The following DGCR8 variants were observed in gnomAD, a reference collection of about 807,000 sequenced individuals.
The protein encoded by DGCR8 is DGCR8 microprocessor complex subunit.
In DGCR8, 14 loss-of-function variants were observed where a neutral mutation model predicts 78.5. That is an observed-to-expected ratio of 0.18 (90% CI 0.12 to 0.28). DGCR8 has a LOEUF of 0.28. DGCR8 is among the 10% of genes least tolerant of loss of function. DGCR8 has a pLI of 1.00. For synonymous variants in DGCR8, 399 were observed against 402.4 expected (o/e 0.99, Z 0.10); for missense variants, 702 against 1,022.5 (o/e 0.69, Z 4.28).
At chr22:20,101,924 C>G in intron 9 of DGCR8, 2 of 985,282 alleles carry the variant, frequency 2.0e-6, no homozygotes, top group Non-Finnish European at 2.4e-6. Flanking sequence ...GGTGTGGTGG[C>G]CACGCGTGTA....
rs377057741 is a variant in DGCR8, at chr22:20,090,076, A to T, written c.1124A>T (p.Asp375Val). 3 of 1,614,098 alleles carry T rather than the reference A, an allele frequency of 1.9e-6. No individual in the cohort carries two copies. Among genetic ancestry groups the T allele is most frequent in the Non-Finnish European group, 2.5e-6 (3 of 1,180,050 alleles). Reference protein sequence around the residue: ...EQSSDLTPSGDVSPVKPLSRS... With the variant: ...EQSSDLTPSGVVSPVKPLSRS... The stretch of plus-strand genomic sequence containing the variant: ...AGCAGTGACCTCACCCCTAGTGGGG[A>T]TGTGTCCCCCGTCAAGCCCCTGAGC... Residue 375 changes from aspartate (D) to valine (V), a missense_variant, in exon 5 of 14, where the codon GAT becomes GTT. Coordinates refer to ENST00000351989, the MANE Select transcript of DGCR8 (RefSeq NM_022720.7).
chr22:20,095,306 A>G lies in DGCR8; in HGVS notation c.1788+511A>G, dbSNP rs1436138706. Among the ~76,000 whole-genome samples the G allele has an allele frequency of 3.9e-5, 6 of 152,212 alleles. No individual in the cohort carries two copies. The East Asian group carries it at 7.7e-4, about 20-fold the overall frequency. On this transcript the variant is annotated intron_variant, in intron 9 of 13. Transcript: ENST00000351989. ...TTTTTAGTAGAGATGGGGTTTCACC[A>G]TGTTGGCCAGGCTGGTCTCGAACTC...
In DGCR8 at chr22:20,093,767, G is replaced by A. The variant is rs570104127; in HGVS notation, c.1705+860G>A. Among the ~76,000 whole-genome samples, 12 of 152,324 alleles carry A rather than the reference G, an allele frequency of 7.9e-5. No homozygotes were observed. The South Asian group carries it at 1.2e-3, about 16-fold the overall frequency. On this transcript the variant is annotated intron_variant, in intron 8 of 13. Coordinates refer to ENST00000351989, the MANE Select transcript of DGCR8 (RefSeq NM_022720.7). ...TGCCCTTTTGGACCATGCCCTTGCC[G>A]TTTGCATTCATGCCCTGCATTCGTG... is the stretch of plus-strand genomic sequence containing the variant.
At position 20,091,554 on chromosome 22, in the gene DGCR8, G is replaced by A; in HGVS notation, c.1426G>A (p.Ala476Thr). 1 of 1,614,240 alleles carries A rather than the reference G, an allele frequency of 6.2e-7. No homozygotes were observed. Among genetic ancestry groups the A allele is most frequent in the Non-Finnish European group, 8.5e-7 (1 of 1,180,048 alleles). Residue 476 changes from alanine to threonine, a missense_variant, in exon 6 of 14, where the codon GCG (alanine) becomes ACG (threonine). Coordinates refer to ENST00000351989, the MANE Select transcript of DGCR8 (RefSeq NM_022720.7). ...QFNREMKRKQ[A>T]ESERPILPAN... ...CAATCGGGAAATGAAGCGGAAGCAG[G>A]CGGAGTCCGAGAGGCCCATCTTGCC...
Position 20,086,773 on chromosome 22 carries a change from A to G in DGCR8, c.720+90A>G, listed in dbSNP as rs991896592. On this transcript the variant is annotated intron_variant, in intron 2 of 13. Coordinates refer to ENST00000351989, the MANE Select transcript of DGCR8 (RefSeq NM_022720.7). This position sits in a 1 kb window ranked among gnomAD's most constrained non-coding sequence, Gnocchi z 6.4. ...AGCATCTTTTGAAAGCAGGGAAATT[A>G]AAAAAAAAAAAAACAAAAACCAAAA... The G allele has an allele frequency of 5.4e-6, 2 of 368,114 alleles. No individual in the cohort carries two copies. The highest frequency in any genetic ancestry group is 4.6e-5 in the African/African-American group (2 of 43,690). The allele number at this position is 368,114 out of a possible 1,614,324, so 22.8% of individuals were successfully genotyped here. A position where few individuals can be genotyped will look rare whatever the true frequency, so the allele number is the denominator to read the frequency against.
rs866598901 is a variant in DGCR8, at chr22:20,109,083, C to G, written c.2238+80C>G. On this transcript the variant is annotated intron_variant, in intron 13 of 13. Coordinates refer to ENST00000351989, the MANE Select transcript of DGCR8 (RefSeq NM_022720.7). ...TGTGGAGGGACAGCAGACCCCAGGA[C>G]CCGTGCCTGAGCTGACACCTTGGAA... The G allele has an allele frequency of 5.2e-6, 4 of 766,862 alleles. No homozygotes were observed. The East Asian group carries it at 7.6e-5, about 15-fold the overall frequency. 47.5% of individuals were successfully genotyped at this position (766,862 alleles called of 1,614,324 possible).
Position 20,094,872 on chromosome 22 carries a change from G to A in DGCR8, c.1788+77G>A, listed in dbSNP as rs142099124. 9.3e-4 allele frequency: 1,219 copies of A among 1,306,916 alleles called. 6 individuals carry two copies. In the African/African-American group the frequency reaches 0.016, roughly 17 times the overall value. The allele number at this position is 1,306,916 out of a possible 1,614,324, so 81.0% of individuals were successfully genotyped here. On this transcript the variant is annotated intron_variant, in intron 9 of 13. Transcript: ENST00000351989. ...CCTGCCCTGTTAGTGTGAGCTGGGG[G>A]TGTCCGTGGGCTGTGCTCATGCCTT...
intron 9 of DGCR8, among the ~76,000 whole-genome samples, chr22:20,105,396 G>A (rs1419465425): frequency 6.6e-6 from 1 of 152,198 alleles, no homozygotes; most frequent in East Asian, 1.9e-4. Context: ...GTTGTCACAG[G>A]AGCTCCACCA....
intron 9 of DGCR8, chr22:20,100,418 A>AG: frequency 1.0e-6 from 1 of 985,350 alleles, no homozygotes; most frequent in Non-Finnish European, 1.2e-6. Flanking sequence ...GCTCCCAGGG[A>AG]GGCTTCCAAG....
intron 9 of DGCR8, among the ~76,000 whole-genome samples, chr22:20,103,516 C>T (rs929532851): frequency 5.9e-5 from 9 of 152,066 alleles, no homozygotes; most frequent in Non-Finnish European, 1.0e-4. Flanking sequence ...TAGTTAATTA[C>T]GTTGTTTTTT....
At chr22:20,109,940 G>A in intron 13 of DGCR8, 85 bp from the exon 14 acceptor site, 1 of 1,346,016 alleles carries the variant, frequency 7.4e-7, no homozygotes, top group South Asian at 1.2e-5. Flanking sequence ...GGCATGATCT[G>A]CTGGGCTCTC....
intron 13 of DGCR8, chr22:20,109,320 G>C (rs1260703127): frequency 9.4e-6 from 3 of 318,332 alleles, no homozygotes; most frequent in African/African-American, 2.2e-5. Context: ...ACCTGCCAGG[G>C]TTGAATCTGT....
chr22:20,100,773 T>C, intron 9 of DGCR8: 6 of 985,384 alleles, frequency 6.1e-6, no homozygotes, highest in Non-Finnish European at 7.2e-6. Context: ...GCTTCCGCTG[T>C]AGACTCCCCT....
intron 13 of DGCR8, among the ~76,000 whole-genome samples, chr22:20,109,710 G>A (rs893169579): frequency 7.9e-5 from 12 of 152,332 alleles, no homozygotes; most frequent in African/African-American, 2.9e-4. Flanking sequence ...CTGGGCAAGG[G>A]AGGAACACCC....
Position 20,080,274 on chromosome 22 carries a change from C to T in DGCR8, c.-387C>T, listed in dbSNP as rs1055255747. The T allele has an allele frequency of 3.4e-5, 33 of 980,540 alleles. No homozygotes were observed. Among genetic ancestry groups the T allele is most frequent in the Middle Eastern group, 5.2e-4 (1 of 1,928 alleles). 60.7% of individuals were successfully genotyped at this position (980,540 alleles called of 1,614,324 possible). On this transcript the variant is annotated 5_prime_UTR_variant, in exon 1 of 14. Transcript: ENST00000351989. ...GCCCGGCGCGGCAGGCGGGTGCCGG[C>T]GACCGGAGAGCCTGGACAGGCTTTC...
intron 7 of DGCR8, 61 bp downstream of exon 7, chr22:20,092,031 C>A: frequency 1.5e-6 from 2 of 1,378,318 alleles, no homozygotes; most frequent in Non-Finnish European, 2.0e-6. Context: ...TTGGTCAGGG[C>A]TGGGGAGGCA....
Position 20,110,151 on chromosome 22 carries a change from T to G in DGCR8, c.*43T>G, listed in dbSNP as rs764009270. On this transcript the variant is annotated 3_prime_UTR_variant, in exon 14 of 14. Transcript: ENST00000351989. ...AGGGCGCGGGGGCCGCCAGCCGCACTTCTGAGGAGACCAGCAGTCATGCAT... is the reference window on the plus strand; with the variant it reads ...AGGGCGCGGGGGCCGCCAGCCGCACGTCTGAGGAGACCAGCAGTCATGCAT... 28 of 1,580,784 alleles carry G rather than the reference T, an allele frequency of 1.8e-5. No homozygotes were observed. The African/African-American group carries it at 3.1e-4, about 17-fold the overall frequency.
In DGCR8 at chr22:20,085,136, CGTGCTACCCT is replaced by C. The variant is rs1443110107; in HGVS notation, c.-277-547_-277-538del. ...CACGCTGCATCACTGTCCCCGTCCA[CGTGCTACCCT>C]GTGGGCCCAGGAGAGCCCTGGGGTC... On this transcript the variant is annotated intron_variant, in intron 1 of 13. Transcript: ENST00000351989. The surrounding 1 kb of genome is among the most constrained non-coding windows in gnomAD (Gnocchi z 6.2). 1 of 766,820 alleles carries C rather than the reference CGTGCTACCCT, an allele frequency of 1.3e-6. No individual in the cohort carries two copies. Among genetic ancestry groups the C allele is most frequent in the African/African-American group, 1.9e-5 (1 of 53,050 alleles). 47.5% of individuals were successfully genotyped at this position (766,820 alleles called of 1,614,324 possible). A position where few individuals can be genotyped will look rare whatever the true frequency, so the allele number is the denominator to read the frequency against.
chr22:20,101,699 C>T, intron 9 of DGCR8: 2 of 985,406 alleles, frequency 2.0e-6, no homozygotes, highest in Non-Finnish European at 2.4e-6. Context: ...GTGGCCATCT[C>T]CTGTTCCTGG....
Sources: gnomAD v4.1 joint callset for allele counts (sites outside exome capture counted in the v4.1 genomes callset) on GRCh38, gnomAD v4.1.1 for gene constraint, Gnocchi (gnomAD v3.1) non-coding constraint, MANE v1.5 for transcripts, NCBI Gene and HGNC (gene_info 2026-07-23, HGNC 2026-07-21) for gene names.